The following COQ8A variants were observed in gnomAD, a reference collection of about 807,000 sequenced individuals.
COQ8A encodes the protein coenzyme Q8A.
A neutral mutation model predicts 65.0 loss-of-function variants in COQ8A; 51 were observed. The ratio of observed to expected loss-of-function variants is 0.78; its 90% CI spans 0.63 to 0.99. The LOEUF (loss-of-function observed/expected upper bound fraction) is 0.99. COQ8A is among the 50% of genes least tolerant of loss of function. The pLI is 0.00. For synonymous variants in COQ8A, 371 were observed against 353.2 expected (o/e 1.05, Z -0.57); for missense variants, 940 against 875.0 (o/e 1.07, Z -0.94).
rs556361813 is a variant in COQ8A, at chr1:226,943,085, G to A, written c.-10+2686G>A. 3.3e-5 allele frequency among the ~76,000 whole-genome samples: 5 copies of A among 152,278 alleles called. No individual in the cohort carries two copies. The South Asian group carries it at 6.2e-4, about 19-fold the overall frequency. On this transcript the variant is annotated intron_variant, in intron 1 of 14. Coordinates refer to ENST00000366777, the MANE Select transcript of COQ8A (RefSeq NM_020247.5). ...CTGTAACACTCCTTGGTCAGTTAGG[G>A]GATCTTTTGGGTGCCCTTTGTTGCC...
intron 1 of COQ8A, among the ~76,000 whole-genome samples, chr1:226,955,072 G>A (rs1657605213): frequency 6.6e-6 from 1 of 152,104 alleles, no homozygotes; most frequent in African/African-American, 2.4e-5. Flanking sequence ...GTGGAGGGAA[G>A]GGCAGAGCCA....
Position 226,950,688 on chromosome 1 carries a change from G to A in COQ8A, c.-10+10289G>A, listed in dbSNP as rs4459073. Among the ~76,000 whole-genome samples the A allele has an allele frequency of 3.3e-3, 495 of 152,100 alleles. 16 individuals are homozygous for A. In the East Asian group the frequency reaches 0.063, roughly 19 times the overall value. ...ATTGGCATGGTGGGCTGGTTCTGCT[G>A]CTCACAAAATGAAAACATCTGTGAA... On this transcript the variant is annotated intron_variant, in intron 1 of 14. Coordinates refer to ENST00000366777, the MANE Select transcript of COQ8A (RefSeq NM_020247.5).
At chr1:226,942,730 A>G in intron 1 of COQ8A, among the ~76,000 whole-genome samples, 1 of 152,174 alleles carries the variant, frequency 6.6e-6, no homozygotes, top group East Asian at 1.9e-4. Flanking sequence ...GGACATGGGT[A>G]TGATTTGTGG....
intron 1 of COQ8A, among the ~76,000 whole-genome samples, chr1:226,954,961 A>G (rs553361407): frequency 1.7e-4 from 26 of 152,156 alleles, no homozygotes; most frequent in African/African-American, 6.3e-4. Context: ...TGGTGCTGAG[A>G]TCCGGGAGGA....
chr1:226,961,497 A>T lies in COQ8A; in HGVS notation c.112A>T (p.Met38Leu), dbSNP rs762117943. ...CTTGGGCATCGGAGGGGAGCTGATC[A>T]TGGCGGCCAGGGCCCTGCAGTCCAC... ...QHLGIGGELI[M>L]AARALQSTAV... Residue 38 changes from methionine to leucine, a missense_variant, in exon 2 of 15, where the codon ATG (methionine) becomes TTG (leucine). Met to Leu is a conservative substitution (Grantham distance 15). Transcript: ENST00000366777. 6.2e-7 allele frequency: 1 copy of T among 1,613,920 alleles called. No individual in the cohort carries two copies. The highest frequency in any genetic ancestry group is 8.5e-7 in the Non-Finnish European group (1 of 1,179,992).
At chr1:226,963,972 C>T (rs771734499) in intron 2 of COQ8A, among the ~76,000 whole-genome samples, 6 of 152,166 alleles carry the variant, frequency 3.9e-5, no homozygotes, top group African/African-American at 1.2e-4. Context: ...TGTTGGATCC[C>T]GGCTCTGTCA....
chr1:226,948,237 C>CT (rs1657166424), intron 1 of COQ8A, among the ~76,000 whole-genome samples: 1 of 152,220 alleles, frequency 6.6e-6, no homozygotes, highest in African/African-American at 2.4e-5. Context: ...CTTTTCCAGC[C>CT]TAGAGGCTGC....
chr1:226,941,532 C>T (rs1167399605), intron 1 of COQ8A, among the ~76,000 whole-genome samples: 6 of 151,914 alleles, frequency 3.9e-5, no homozygotes, highest in African/African-American at 9.7e-5. Context: ...TTTGGGAGTC[C>T]GAGGCGGGTG....
At chr1:226,960,403 T>TGGTGGTGGTGGTGGTACTA (rs1658140927) in intron 1 of COQ8A, among the ~76,000 whole-genome samples, 1 of 16,026 alleles carries the variant, frequency 6.2e-5, no homozygotes, top group African/African-American at 1.8e-4. Context: ...TGGTGGTACT[T>TGGTGGTGGTGGTGGTACTA]GGTGGTGGCG....
chr1:226,966,172 C>G (rs1259348594), intron 4 of COQ8A, among the ~76,000 whole-genome samples: 1 of 152,210 alleles, frequency 6.6e-6, no homozygotes, highest in Non-Finnish European at 1.5e-5. Context: ...CCCCTGGGAC[C>G]AGACATTTAG....
chr1:226,983,644 AGGT>A lies in COQ8A; in HGVS notation c.1162+15_1162+17del. 6.2e-7 allele frequency: 1 copy of A among 1,613,782 alleles called. No individual in the cohort carries two copies. The highest frequency in any genetic ancestry group is 8.5e-7 in the Non-Finnish European group (1 of 1,179,908). On this transcript the variant is annotated intron_variant, in intron 9 of 14. Coordinates refer to ENST00000366777, the MANE Select transcript of COQ8A (RefSeq NM_020247.5). ...ACATGCTTCCAGAAGGTCTGAGGCT[AGGT>A]GGTTGGGTCAAGGGCAGGAGTGGGT...
chr1:226,960,477 AG>A (rs1658160944), intron 1 of COQ8A, among the ~76,000 whole-genome samples: 3 of 9,578 alleles, frequency 3.1e-4, no homozygotes, highest in East Asian at 3.0e-3. Context: ...TGGTGGTGGC[AG>A]TGGTACTTGG....
rs1166269786 is a variant in COQ8A, at chr1:226,968,847, C to G, written c.655+3110C>G. Among the ~76,000 whole-genome samples the G allele has an allele frequency of 1.3e-5, 2 of 152,096 alleles. 1 individual carries two copies. Among genetic ancestry groups the G allele is most frequent in the South Asian group, 4.1e-4 (2 of 4,822 alleles). ...GCTATGGGACATTATGACTGTGATG[C>G]TATGGGCAGGATGATCTGTGGATAT... On this transcript the variant is annotated intron_variant, in intron 4 of 14. Transcript: ENST00000366777.
intron 12 of COQ8A, 85 bp from the exon 13 acceptor site, chr1:226,984,791 C>G: frequency 1.3e-6 from 2 of 1,511,360 alleles, no homozygotes; most frequent in Non-Finnish European, 1.8e-6. Context: ...ATCCTCACTG[C>G]CCTCTGTTGC....
At chr1:226,954,949 G>T (rs1172740448) in intron 1 of COQ8A, among the ~76,000 whole-genome samples, 2 of 152,162 alleles carry the variant, frequency 1.3e-5, no homozygotes, top group African/African-American at 4.8e-5. Flanking sequence ...AAGAGGTGAT[G>T]TTGGTGCTGA....
chr1:226,959,129 T>C (rs1657993746), intron 1 of COQ8A, among the ~76,000 whole-genome samples: 1 of 152,158 alleles, frequency 6.6e-6, no homozygotes, highest in South Asian at 2.1e-4. Flanking sequence ...GAAGTAGGAT[T>C]TTAAGACCTA....
At chr1:226,962,246 C>A (rs1016545082) in intron 2 of COQ8A, among the ~76,000 whole-genome samples, 13 of 152,232 alleles carry the variant, frequency 8.5e-5, no homozygotes, top group African/African-American at 3.1e-4. Context: ...GCAGCTGGCA[C>A]AGCCCTTCCA....
intron 2 of COQ8A, among the ~76,000 whole-genome samples, chr1:226,963,083 A>G (rs1288972795): frequency 6.6e-6 from 1 of 152,154 alleles, no homozygotes; most frequent in East Asian, 1.9e-4. Flanking sequence ...CAGCCTGGAC[A>G]GGCCTTAGCC....
chr1:226,986,422 G>A lies in COQ8A; in HGVS notation c.1660-31G>A, dbSNP rs1486294362. 1.2e-5 allele frequency: 20 copies of A among 1,607,652 alleles called. No homozygotes were observed. The East Asian group carries it at 2.0e-4, about 16-fold the overall frequency. On this transcript the variant is annotated intron_variant, in intron 14 of 14. Coordinates refer to ENST00000366777, the MANE Select transcript of COQ8A (RefSeq NM_020247.5). ...GGCTGGTGGAGGGCTCTGGTGTCTC[G>A]CCGCCATTTATCCTTCCTCTCTTGC...
Sources: gnomAD v4.1 joint callset for allele counts (sites outside exome capture counted in the v4.1 genomes callset) on GRCh38, gnomAD v4.1.1 for gene constraint, MANE v1.5 for transcripts, NCBI Gene and HGNC (gene_info 2026-07-23, HGNC 2026-07-21) for gene names.